Variants in MAD1L1 observed in about 807,000 individuals in gnomAD.
MAD1L1 encodes the protein mitotic arrest deficient 1 like 1.
MAD1L1 carries 95 observed loss-of-function variants against 96.9 expected under a neutral mutation model. The observed-to-expected ratio is 0.98, with a 90% CI of 0.83 to 1.16. MAD1L1 has a LOEUF of 1.16. Among genes scored for constraint, MAD1L1 ranks in the 50% most tolerant of loss-of-function variants. The pLI is 0.00. For missense variants in MAD1L1, 1,007 were observed against 954.4 expected (o/e 1.06, Z -0.73); for synonymous variants, 473 against 396.6 (o/e 1.19, Z -2.29).
At chr7:1,816,490 A>C (rs747952829) in intron 18 of MAD1L1, among the ~76,000 whole-genome samples, 3 of 152,202 alleles carry the variant, frequency 2.0e-5, no homozygotes, top group African/African-American at 4.8e-5. Flanking sequence ...GGGTGTGCCC[A>C]CCCAAGGGGC....
At chr7:1,910,769 C>G (rs10274300) in intron 17 of MAD1L1, among the ~76,000 whole-genome samples, 69,003 of 152,136 alleles carry the variant, frequency 0.45, 15,894 homozygotes, top group Admixed American at 0.55. Flanking sequence ...CGCAGCCTCG[C>G]TGCACCCATC....
intron 11 of MAD1L1, among the ~76,000 whole-genome samples, chr7:2,141,375 T>C (rs566652083): frequency 1.2e-4 from 18 of 152,280 alleles, no homozygotes; most frequent in African/African-American, 3.4e-4. Context: ...TCAGGAGAGA[T>C]GGGGCTCGAT....
At chr7:2,213,003 T>C (rs1793060810) in intron 10 of MAD1L1, among the ~76,000 whole-genome samples, 1 of 152,238 alleles carries the variant, frequency 6.6e-6, no homozygotes, top group African/African-American at 2.4e-5. Context: ...AAGATGTTAC[T>C]AAGGCTTCAG....
chr7:2,199,078 T>TA (rs1394726473), intron 10 of MAD1L1, among the ~76,000 whole-genome samples: 2 of 152,194 alleles, frequency 1.3e-5, no homozygotes, highest in African/African-American at 4.8e-5. Flanking sequence ...CTGGGGCCTG[T>TA]ATGATGCCAG....
chr7:2,212,604 T>C (rs941113033), intron 10 of MAD1L1, among the ~76,000 whole-genome samples: 2 of 152,308 alleles, frequency 1.3e-5, no homozygotes, highest in East Asian at 3.9e-4. Context: ...CTCTCATTCC[T>C]GTTTTTGCAT....
At chr7:2,001,952 A>G (rs1781815586) in intron 14 of MAD1L1, 113 bp downstream of exon 14, 1 of 1,089,552 alleles carries the variant, frequency 9.2e-7, no homozygotes, top group South Asian at 1.3e-5. Context: ...CGACGACAGA[A>G]GAGGCAGCCA....
intron 14 of MAD1L1, among the ~76,000 whole-genome samples, chr7:1,981,720 C>T (rs1302620390): frequency 2.6e-5 from 4 of 152,154 alleles, no homozygotes; most frequent in Admixed American, 6.5e-5. Context: ...GCCTGCCAGA[C>T]ACCCAGGGTG....
At chr7:1,823,547 T>G (rs1156335729) in intron 18 of MAD1L1, among the ~76,000 whole-genome samples, 2 of 152,168 alleles carry the variant, frequency 1.3e-5, no homozygotes, top group Non-Finnish European at 2.9e-5. Context: ...GAGGGGTGAC[T>G]GCAGCGTCTT....
chr7:2,036,301 C>T (rs111766853), intron 12 of MAD1L1, among the ~76,000 whole-genome samples: 13,436 of 138,428 alleles, frequency 0.097, 200 homozygotes, highest in African/African-American at 0.28. Context: ...GGCATGAGCG[C>T]GGGAGCACTG....
At chr7:2,081,171 A>C (rs529833773) in intron 11 of MAD1L1, among the ~76,000 whole-genome samples, 1 of 151,600 alleles carries the variant, frequency 6.6e-6, no homozygotes, top group South Asian at 2.1e-4. Context: ...GTGTTTGGAA[A>C]CAGATATGGA....
At chr7:1,884,682 G>C (rs1785900875) in intron 18 of MAD1L1, among the ~76,000 whole-genome samples, 1 of 152,240 alleles carries the variant, frequency 6.6e-6, no homozygotes, top group Admixed American at 6.5e-5. Flanking sequence ...AGTTGTCTGA[G>C]TGGGCGGAGG....
In MAD1L1 at chr7:1,915,117, C is replaced by G. The variant is rs565758397; in HGVS notation, c.1808-16727G>C. On this transcript the variant is annotated intron_variant, in intron 17 of 18. Coordinates refer to ENST00000265854, the MANE Select transcript of MAD1L1 (RefSeq NM_001013836.2). Reference sequence around the variant, plus strand: ...AAGCGCTGCTCAGCTATTCATTCACCCAGCAGGTATGTGTGGAGAGGTGCT... The same window carrying G: ...AAGCGCTGCTCAGCTATTCATTCACGCAGCAGGTATGTGTGGAGAGGTGCT... 2.4e-4 allele frequency among the ~76,000 whole-genome samples: 37 copies of G among 152,284 alleles called. No homozygotes were observed. In the South Asian group the frequency reaches 7.7e-3, roughly 32 times the overall value.
intron 18 of MAD1L1, among the ~76,000 whole-genome samples, chr7:1,858,996 G>C (rs1043035143): frequency 2.6e-5 from 4 of 152,204 alleles, no homozygotes; most frequent in Admixed American, 2.6e-4. Flanking sequence ...GATCTGGGGG[G>C]CGTCCCCCGA....
At chr7:1,958,872 C>T (rs897814332) in intron 15 of MAD1L1, among the ~76,000 whole-genome samples, 1 of 152,206 alleles carries the variant, frequency 6.6e-6, no homozygotes, top group Non-Finnish European at 1.5e-5. Flanking sequence ...GTCAGATAAA[C>T]ATGCTGGATG....
At chr7:2,060,172 C>A (rs1174720698) in intron 12 of MAD1L1, among the ~76,000 whole-genome samples, 2 of 144,952 alleles carry the variant, frequency 1.4e-5, no homozygotes, top group Non-Finnish European at 3.0e-5. Context: ...CCGAGATACG[C>A]CGATGCCGAG....
chr7:2,139,343 T>A (rs561178591), intron 11 of MAD1L1, among the ~76,000 whole-genome samples: 34 of 145,834 alleles, frequency 2.3e-4, no homozygotes, highest in Non-Finnish European at 3.3e-4. Context: ...GCTCACAGGC[T>A]GCAGTCCAGG....
chr7:1,910,957 A>AACC (rs1338112586), intron 17 of MAD1L1, among the ~76,000 whole-genome samples: 1 of 152,166 alleles, frequency 6.6e-6, no homozygotes, highest in Non-Finnish European at 1.5e-5. Context: ...CCCTGCACCC[A>AACC]TCCCGTGACC....
chr7:2,010,369 T>C (rs570525430), intron 13 of MAD1L1, among the ~76,000 whole-genome samples: 3 of 152,168 alleles, frequency 2.0e-5, no homozygotes, highest in South Asian at 4.1e-4. Flanking sequence ...TCAGAGTCCC[T>C]GCAACCTGAA....
At chr7:2,070,218 C>T (rs1257399327) in intron 11 of MAD1L1, among the ~76,000 whole-genome samples, 1 of 152,220 alleles carries the variant, frequency 6.6e-6, no homozygotes, top group Non-Finnish European at 1.5e-5. Context: ...ATGACAGCGT[C>T]CACTGACCCT....
Sources: allele counts gnomAD v4.1 joint callset (sites outside exome capture counted in the v4.1 genomes callset), GRCh38; gene constraint gnomAD v4.1.1; transcripts MANE v1.5; gene names NCBI Gene and HGNC (gene_info 2026-07-23, HGNC 2026-07-21).